DMD: variants seen among roughly 807,000 people sequenced by gnomAD.
The protein encoded by DMD is mutant dystrophin.
Under a neutral mutation model 330.1 loss-of-function variants are expected in DMD, and 63 were observed. The ratio of observed to expected loss-of-function variants is 0.19; its 90% CI spans 0.16 to 0.24. The LOEUF (loss-of-function observed/expected upper bound fraction) is 0.24, where lower values mean the gene tolerates loss of function less well. Among genes scored for constraint, DMD ranks in the 10% least tolerant of loss-of-function variants. DMD has a pLI of 1.00. For missense variants in DMD, 3,344 were observed against 2,684.1 expected, an observed-to-expected ratio of 1.25 and a Z score of -5.43; for synonymous variants, 1,223 against 959.8, an observed-to-expected ratio of 1.27 and a Z score of -5.07.
chrX:32,779,907 T>G (rs2074548816), intron 7 of DMD, among the ~76,000 whole-genome samples: 1 of 111,821 alleles, frequency 8.9e-6, no homozygotes, highest in Middle Eastern at 4.3e-3. Context: ...CTATTCAAGA[T>G]ATTCTTGGGA....
chrX:32,350,860 G>A (rs1378142556), intron 37 of DMD, among the ~76,000 whole-genome samples: 1 of 110,360 alleles, frequency 9.1e-6, no homozygotes, highest in Admixed American at 9.7e-5. Context: ...TTTTTTTGCA[G>A]GCCATTTGGT....
chrX:31,663,411 G>A (rs1370618877), intron 53 of DMD, among the ~76,000 whole-genome samples: 1 of 111,269 alleles, frequency 9.0e-6, no homozygotes, highest in Non-Finnish European at 1.9e-5. Flanking sequence ...TCCTATGGAG[G>A]AGCCAGTCCT....
At chrX:32,757,945 A>C (rs936032948) in intron 7 of DMD, among the ~76,000 whole-genome samples, 15 of 111,635 alleles carry the variant, frequency 1.3e-4, no homozygotes, top group Non-Finnish European at 1.1e-4. Flanking sequence ...TAGCTCTAGC[A>C]ACAGGAGGAG....
chrX:32,647,336 C>G (rs1266526991), intron 9 of DMD, among the ~76,000 whole-genome samples: 1 of 111,507 alleles, frequency 9.0e-6, no homozygotes, highest in Non-Finnish European at 1.9e-5. Context: ...GTCTGGTGAG[C>G]TCACAGTAAG....
At chrX:31,386,625 G>A (rs776495503) in intron 60 of DMD, among the ~76,000 whole-genome samples, 1 of 112,128 alleles carries the variant, frequency 8.9e-6, no homozygotes, top group South Asian at 3.8e-4. Context: ...TGTGTTTCCA[G>A]AATTTAACAC....
intron 44 of DMD, among the ~76,000 whole-genome samples, chrX:32,180,548 G>C (rs867338975): frequency 1.6e-4 from 18 of 111,701 alleles, no homozygotes; most frequent in African/African-American, 5.5e-4. Context: ...TGAAGAAGGA[G>C]CTCTGGATCC....
intron 69 of DMD, among the ~76,000 whole-genome samples, chrX:31,179,252 A>T (rs1449448498): frequency 8.9e-6 from 1 of 112,510 alleles, no homozygotes; most frequent in Non-Finnish European, 1.9e-5. Context: ...TCAATCACTG[A>T]CCATCTCTAT....
intron 41 of DMD, among the ~76,000 whole-genome samples, chrX:32,320,616 T>C (rs1488166431): frequency 9.0e-6 from 1 of 111,454 alleles, no homozygotes; most frequent in Non-Finnish European, 1.9e-5. Flanking sequence ...AAGTATGTTC[T>C]GTAATCGTTT....
intron 7 of DMD, among the ~76,000 whole-genome samples, chrX:32,727,535 T>G: frequency 9.1e-6 from 1 of 110,438 alleles, no homozygotes; most frequent in East Asian, 2.9e-4. Flanking sequence ...ATTGATATTA[T>G]TGGTCCCTTC....
chrX:32,671,998 A>G (rs1007641049), intron 9 of DMD, among the ~76,000 whole-genome samples: 1 of 111,748 alleles, frequency 8.9e-6, no homozygotes, highest in African/African-American at 3.2e-5. Flanking sequence ...AAAGAAAAAT[A>G]TGATGATATT....
rs1424204831 is a variant in DMD at position 33,266,700 on chromosome X, T to C, written c.7+72559A>G. ...TTTTTAATTGCGAAGAAACATCTCA[T>C]CAAGTAAAAAGTAGATAAGAATAAA... On this transcript the variant is annotated intron_variant, in intron 1 of 17. Coordinates refer to the DMD transcript ENST00000288447. Among the ~76,000 whole-genome samples the C allele has an allele frequency of 2.7e-5, 3 of 111,594 alleles. No individual in the cohort carries two copies. In the East Asian group the frequency reaches 8.4e-4, roughly 31 times the overall value.
intron 55 of DMD, among the ~76,000 whole-genome samples, chrX:31,582,941 A>T (rs73617089): frequency 8.9e-6 from 1 of 112,519 alleles, no homozygotes; most frequent in African/African-American, 3.2e-5. Context: ...AGCTTAAATA[A>T]TTGGGTAGAT....
chrX:32,898,609 G>A (rs1005129799), intron 2 of DMD, among the ~76,000 whole-genome samples: 10 of 111,939 alleles, frequency 8.9e-5, no homozygotes, highest in Non-Finnish European at 1.7e-4. Flanking sequence ...TGCAAATTGA[G>A]AGACAGGTTA....
rs372617873 is a variant in DMD at position 31,690,105 on chromosome X, C to T, written c.7661-10519G>A. On this transcript the variant is annotated intron_variant, in intron 52 of 78. Transcript: ENST00000357033. The stretch of plus-strand genomic sequence containing the variant: ...CACCAAAAGCAATGGCAACAAAAGC[C>T]AAAACGGACAAATGGGATCTAATGA... Among the ~76,000 whole-genome samples the T allele has an allele frequency of 7.2e-5, 8 of 111,794 alleles. No individual in the cohort carries two copies. The East Asian group carries it at 1.7e-3, about 24-fold the overall frequency.
At chrX:32,368,567 A>C (rs902740071) in intron 34 of DMD, among the ~76,000 whole-genome samples, 1 of 111,860 alleles carries the variant, frequency 8.9e-6, no homozygotes, top group African/African-American at 3.3e-5. Context: ...TCTGGCTCTA[A>C]TAGTTTCCCA....
At chrX:31,658,350 T>C (rs1247920525) in intron 53 of DMD, among the ~76,000 whole-genome samples, 1 of 112,080 alleles carries the variant, frequency 8.9e-6, no homozygotes, top group Admixed American at 9.5e-5. Flanking sequence ...AAATGCAGCA[T>C]CTTGAGCAAT....
At chrX:33,212,947 C>T (rs917625555), upstream of DMD, among the ~76,000 whole-genome samples, 6 of 111,328 alleles carry the variant, frequency 5.4e-5, no homozygotes, top group Admixed American at 3.8e-4. Context: ...TACAATATTG[C>T]CCAGAGTATA....
In DMD at chrX:32,825,669, A is replaced by C. The variant is rs192580627; in HGVS notation, c.265-2282T>G. Among the ~76,000 whole-genome samples, 12 of 112,296 alleles carry C rather than the reference A, an allele frequency of 1.1e-4. No homozygotes were observed. The East Asian group carries it at 3.1e-3, about 29-fold the overall frequency. On this transcript the variant is annotated intron_variant, in intron 4 of 78. Transcript: ENST00000357033. Reference sequence around the variant, plus strand: ...TAAACAAAATGTGGTATGTACATACAACGGAATATTTTCAGCCTTAAAAAG... The same window carrying C: ...TAAACAAAATGTGGTATGTACATACCACGGAATATTTTCAGCCTTAAAAAG...
At chrX:33,071,280 G>A (rs372580601) in intron 1 of DMD, among the ~76,000 whole-genome samples, 5 of 110,033 alleles carry the variant, frequency 4.5e-5, no homozygotes, top group Admixed American at 1.9e-4. Flanking sequence ...GTGAAACCCC[G>A]TTTCCACTAA....
Sources: allele counts gnomAD v4.1 joint callset (sites outside exome capture counted in the v4.1 genomes callset), GRCh38; gene constraint gnomAD v4.1.1; transcripts MANE v1.5; gene names NCBI Gene and HGNC (gene_info 2026-07-23, HGNC 2026-07-21).